Variants in RYK observed in about 807,000 individuals in gnomAD.
RYK encodes inactive tyrosine-protein kinase RYK.
RYK carries 21 observed loss-of-function variants against 70.2 expected under a neutral mutation model. The ratio of observed to expected loss-of-function variants is 0.30; its 90% CI spans 0.21 to 0.43. The LOEUF (loss-of-function observed/expected upper bound fraction) is 0.43. RYK is among the 20% of genes least tolerant of loss of function. The pLI is 1.00. For synonymous variants in RYK, 267 were observed against 278.0 expected, an observed-to-expected ratio of 0.96 and a Z score of 0.39; for missense variants, 604 against 753.3, an observed-to-expected ratio of 0.80 and a Z score of 2.32.
At position 134,157,899 on chromosome 3, in the gene RYK, T is replaced by A. The variant is rs2012305995; in HGVS notation, c.*254A>T. On this transcript the variant is annotated 3_prime_UTR_variant, in exon 15 of 15. Coordinates refer to ENST00000623711, the MANE Select transcript of RYK (RefSeq NM_002958.4). ...ATGTACCCCTAGTCCAAAGTAAGTA[T>A]GTTTTAAAAAATTTTGGCCAAAAAA... 1 of 331,604 alleles carries A rather than the reference T, an allele frequency of 3.0e-6. No homozygotes were observed. The highest frequency in any genetic ancestry group is 5.4e-6 in the Non-Finnish European group (1 of 185,302). 20.5% of individuals were successfully genotyped at this position (331,604 alleles called of 1,614,324 possible).
chr3:134,164,167 G>A (rs2012576930), intron 13 of RYK, among the ~76,000 whole-genome samples: 1 of 152,134 alleles, frequency 6.6e-6, no homozygotes, highest in Non-Finnish European at 1.5e-5. Context: ...AAAGTCCTTG[G>A]TGGGTCTTAA....
chr3:134,206,271 A>G (rs2014210107), intron 5 of RYK, among the ~76,000 whole-genome samples: 2 of 152,210 alleles, frequency 1.3e-5, no homozygotes, highest in Admixed American at 1.3e-4. Flanking sequence ...TATTCTTACC[A>G]AAAGAGTTGG....
chr3:134,197,687 C>T (rs1236465400), intron 6 of RYK, among the ~76,000 whole-genome samples: 1 of 152,118 alleles, frequency 6.6e-6, no homozygotes, highest in Non-Finnish European at 1.5e-5. Flanking sequence ...AGGAGCATTA[C>T]CATCCTCAAA....
At chr3:134,240,960 AAAT>A (rs2015306838) in intron 1 of RYK, among the ~76,000 whole-genome samples, 1 of 152,252 alleles carries the variant, frequency 6.6e-6, no homozygotes, top group Non-Finnish European at 1.5e-5. Context: ...TGCTGTAAGC[AAAT>A]AATAAATACC....
chr3:134,231,235 G>A (rs1270248342), intron 1 of RYK, among the ~76,000 whole-genome samples: 1 of 150,074 alleles, frequency 6.7e-6, no homozygotes, highest in East Asian at 2.0e-4. Flanking sequence ...ACGTCCTCAA[G>A]TCATACATGC....
At chr3:134,240,281 T>C (rs2015291312) in intron 1 of RYK, among the ~76,000 whole-genome samples, 1 of 151,676 alleles carries the variant, frequency 6.6e-6, no homozygotes, top group South Asian at 2.1e-4. Context: ...ATGAGTGGAG[T>C]AGGGGTAAGG....
chr3:134,175,541 T>C (rs1474011444), intron 13 of RYK, 68 bp downstream of exon 13: 19 of 1,534,326 alleles, frequency 1.2e-5, no homozygotes, highest in Non-Finnish European at 1.6e-5. Context: ...AAGATAAAAA[T>C]AGTAGAACAT....
At chr3:134,164,803 C>T (rs1424896308) in intron 13 of RYK, among the ~76,000 whole-genome samples, 1 of 152,210 alleles carries the variant, frequency 6.6e-6, no homozygotes, top group East Asian at 1.9e-4. Flanking sequence ...TAAGAAATTG[C>T]CAAGCTGTTT....
intron 1 of RYK, among the ~76,000 whole-genome samples, chr3:134,233,945 G>A (rs569169354): frequency 2.4e-4 from 36 of 152,014 alleles, no homozygotes; most frequent in African/African-American, 6.3e-4. Context: ...ATAAACATCC[G>A]GTGAATCAAA....
intron 1 of RYK, among the ~76,000 whole-genome samples, chr3:134,230,834 T>C (rs2015038124): frequency 6.6e-6 from 1 of 152,196 alleles, no homozygotes; most frequent in Non-Finnish European, 1.5e-5. Flanking sequence ...GTAGTTTAAC[T>C]AATTTTTTTA....
intron 1 of RYK, among the ~76,000 whole-genome samples, chr3:134,245,260 G>A (rs2015433877): frequency 6.6e-6 from 1 of 151,944 alleles, no homozygotes; most frequent in Admixed American, 6.6e-5. Flanking sequence ...TAAAAAGACT[G>A]CCACACGTCA....
At chr3:134,204,423 C>T (rs770348969) in intron 5 of RYK, among the ~76,000 whole-genome samples, 2 of 151,860 alleles carry the variant, frequency 1.3e-5, no homozygotes, top group Admixed American at 6.6e-5. Flanking sequence ...CACTTGAACC[C>T]GGGAGGCAGA....
chr3:134,188,590 CTGAG>C (rs1385142132), intron 9 of RYK, among the ~76,000 whole-genome samples: 1 of 152,196 alleles, frequency 6.6e-6, no homozygotes, highest in African/African-American at 2.4e-5. Context: ...TTGCAATTAA[CTGAG>C]TAATATCTAA....
At chr3:134,184,211 T>C (rs1056045622) in intron 9 of RYK, among the ~76,000 whole-genome samples, 9 of 152,232 alleles carry the variant, frequency 5.9e-5, no homozygotes, top group African/African-American at 2.2e-4. Context: ...ATTATGCCAT[T>C]TTAGTTTTAG....
rs550376556 is a variant in RYK at position 134,240,035 on chromosome 3, G to C, written c.232+10388C>G. Reference sequence around the variant, plus strand: ...AGGGGCAGGGATAAGAGTGGATCCAGGTCGTAGGCAAGAAGAGTCTCTACA... The same window carrying C: ...AGGGGCAGGGATAAGAGTGGATCCACGTCGTAGGCAAGAAGAGTCTCTACA... On this transcript the variant is annotated intron_variant, in intron 1 of 14. Coordinates refer to ENST00000623711, the MANE Select transcript of RYK (RefSeq NM_002958.4). Among the ~76,000 whole-genome samples the C allele has an allele frequency of 3.9e-5, 6 of 152,246 alleles. No homozygotes were observed. In the East Asian group the frequency reaches 7.7e-4, roughly 20 times the overall value.
chr3:134,193,895 G>A (rs909637503), intron 7 of RYK, among the ~76,000 whole-genome samples: 1 of 152,240 alleles, frequency 6.6e-6, no homozygotes, highest in Non-Finnish European at 1.5e-5. Context: ...TAACTTGTAG[G>A]GGGTGCAGCA....
chr3:134,203,593 T>C (rs1283868515), intron 5 of RYK, among the ~76,000 whole-genome samples: 3 of 152,148 alleles, frequency 2.0e-5, no homozygotes, highest in African/African-American at 4.8e-5. Context: ...ATGAAAAGTT[T>C]TGGCTTAAGC....
intron 10 of RYK, among the ~76,000 whole-genome samples, chr3:134,182,613 T>G (rs981906001): frequency 6.6e-6 from 1 of 152,086 alleles, no homozygotes; most frequent in Non-Finnish European, 1.5e-5. Flanking sequence ...AGAAGGAAGA[T>G]TTATTCATGT....
At position 134,250,721 on chromosome 3, in the gene RYK, C is replaced by G. The variant is rs2015598805; in HGVS notation, c.-67G>C. 1.2e-6 allele frequency: 1 copy of G among 825,886 alleles called. No homozygotes were observed. Among genetic ancestry groups the G allele is most frequent in the Admixed American group, 6.3e-5 (1 of 15,752 alleles). 51.2% of individuals were successfully genotyped at this position (825,886 alleles called of 1,614,324 possible). A position where few individuals can be genotyped will look rare whatever the true frequency, so the allele number is the denominator to read the frequency against. On this transcript the variant is annotated 5_prime_UTR_variant, in exon 1 of 15. Coordinates refer to ENST00000623711, the MANE Select transcript of RYK (RefSeq NM_002958.4). ...CCGCACCGCCGCCCACCCCCGGCCC[C>G]GAGCCGCTCACAGCCCCGAGCCGGG...
Sources: allele counts gnomAD v4.1 joint callset (sites outside exome capture counted in the v4.1 genomes callset), GRCh38; gene constraint gnomAD v4.1.1; transcripts MANE v1.5; gene names NCBI Gene and HGNC (gene_info 2026-07-23, HGNC 2026-07-21).